Variants in TENM3 observed in about 807,000 individuals in gnomAD.
The protein encoded by TENM3 is teneurin transmembrane protein 3.
A neutral mutation model predicts 255.1 loss-of-function variants in TENM3; 63 were observed. The observed-to-expected ratio is 0.25, with a 90% CI of 0.20 to 0.30. TENM3 has a LOEUF of 0.30. Ranked by LOEUF, TENM3 falls within the 10% of genes least tolerant of loss-of-function variation. The pLI is 1.00. For missense variants in TENM3, 2,929 were observed against 3,461.1 expected (o/e 0.85, Z 3.86); for synonymous variants, 1,306 against 1,322.3 (o/e 0.99, Z 0.27).
chr4:182,066,815 G>A, the TENM3 span, among the ~76,000 whole-genome samples: 1 of 152,106 alleles, frequency 6.6e-6, no homozygotes, highest in Admixed American at 6.5e-5. Context: ...GGAGGCTGAG[G>A]CAGGAGAATG....
chr4:182,109,101 G>T, the TENM3 span, among the ~76,000 whole-genome samples: 1 of 150,134 alleles, frequency 6.7e-6, no homozygotes, highest in Non-Finnish European at 1.5e-5. Flanking sequence ...CTAATATTAG[G>T]CTAAAAAAGA....
the TENM3 span, among the ~76,000 whole-genome samples, chr4:182,097,499 G>A: frequency 6.6e-6 from 1 of 152,118 alleles, no homozygotes; most frequent in South Asian, 2.1e-4. Flanking sequence ...TTCATATATA[G>A]GTCCCTATGC....
At chr4:181,500,383 G>A in the TENM3 span, among the ~76,000 whole-genome samples, 330 of 151,910 alleles carry the variant, frequency 2.2e-3, no homozygotes, top group Non-Finnish European at 3.6e-3. Context: ...AGCCCTGACC[G>A]GGGGATCGGG....
At chr4:182,699,075 T>A (rs1331654102) in intron 12 of TENM3, among the ~76,000 whole-genome samples, 1 of 152,206 alleles carries the variant, frequency 6.6e-6, no homozygotes, top group African/African-American at 2.4e-5. Context: ...TTGTTTAGGG[T>A]CATATGATAA....
chr4:182,641,061 G>A lies in TENM3; in HGVS notation c.988+12172G>A, dbSNP rs145357240. Reference sequence around the variant, plus strand: ...TGATAAGGCAGTCTCACAGCCAGCCGAACTTGATAAGGCAGATACCCACTT... The same window carrying A: ...TGATAAGGCAGTCTCACAGCCAGCCAAACTTGATAAGGCAGATACCCACTT... On this transcript the variant is annotated intron_variant, in intron 5 of 27. Transcript: ENST00000511685. 5.3e-3 allele frequency among the ~76,000 whole-genome samples: 811 copies of A among 152,254 alleles called. 7 individuals carry two copies. The highest frequency in any genetic ancestry group is 0.019 in the African/African-American group (769 of 41,532).
the TENM3 span, among the ~76,000 whole-genome samples, chr4:181,570,459 C>T: frequency 1.3e-5 from 2 of 151,414 alleles, no homozygotes; most frequent in Admixed American, 1.3e-4. Context: ...CATGATCACA[C>T]CATTGCACTA....
At position 182,368,352 on chromosome 4, in the gene TENM3, A is replaced by C. The variant is rs114761662; in HGVS notation, c.511+21423A>C. On this transcript the variant is annotated intron_variant, in intron 3 of 27. Transcript: ENST00000511685. Reference sequence around the variant, plus strand: ...GTAAGATTTTAAATCAAGTTGGTTGAGTTTTGTAGACAGCTTGTTAAAGAC... The same window carrying C: ...GTAAGATTTTAAATCAAGTTGGTTGCGTTTTGTAGACAGCTTGTTAAAGAC... Among the ~76,000 whole-genome samples the C allele has an allele frequency of 2.4e-3, 365 of 152,278 alleles. 1 individual carries two copies. Among genetic ancestry groups the C allele is most frequent in the African/African-American group, 8.4e-3 (349 of 41,552 alleles).
At chr4:182,338,946 C>T (rs1268694097) in intron 2 of TENM3, among the ~76,000 whole-genome samples, 1 of 152,140 alleles carries the variant, frequency 6.6e-6, no homozygotes, top group African/African-American at 2.4e-5. Flanking sequence ...TGATCCGAGA[C>T]TTCAAAAGAA....
chr4:182,627,019 C>T (rs957745109), intron 4 of TENM3, among the ~76,000 whole-genome samples: 6 of 152,124 alleles, frequency 3.9e-5, no homozygotes, highest in South Asian at 2.1e-4. Context: ...TCCACTCTAC[C>T]GACCTGTATT....
At chr4:182,010,101 T>A in the TENM3 span, among the ~76,000 whole-genome samples, 1 of 152,244 alleles carries the variant, frequency 6.6e-6, no homozygotes, top group African/African-American at 2.4e-5. Flanking sequence ...TATGGCTTTT[T>A]TCCATGAGAG....
intron 4 of TENM3, among the ~76,000 whole-genome samples, chr4:182,615,983 A>C (rs780483909): frequency 6.6e-6 from 1 of 152,198 alleles, no homozygotes; most frequent in Non-Finnish European, 1.5e-5. Context: ...AGTGATTCTC[A>C]GAGTGTGGTT....
At chr4:182,338,394 A>C (rs1288796774) in intron 2 of TENM3, among the ~76,000 whole-genome samples, 1 of 152,232 alleles carries the variant, frequency 6.6e-6, no homozygotes, top group Non-Finnish European at 1.5e-5. Flanking sequence ...AGTTTGTGTC[A>C]TAGATGGGAC....
In TENM3 at chr4:182,800,187, G is replaced by T; in HGVS notation, c.7936G>T (p.Gly2646Cys). The T allele has an allele frequency of 6.4e-7, 1 of 1,555,260 alleles. No homozygotes were observed. Among genetic ancestry groups the T allele is most frequent in the Non-Finnish European group, 8.6e-7 (1 of 1,159,364 alleles). Residue 2646 changes from glycine (G) to cysteine (C), a missense_variant, in exon 28 of 28, where the codon GGC becomes TGC. This residue lies in a region of TENM3 where 476 missense variants were observed against 480.1 expected (regional missense o/e 0.99). Coordinates refer to ENST00000511685, the MANE Select transcript of TENM3 (RefSeq NM_001080477.4). ...GCAGCGCGTGCGCGACGGCGAGGAG[G>T]GCGCGCGCCTCTGGACGGAGGGCGA... is the stretch of plus-strand genomic sequence containing the variant. ...EQQRVRDGEE[G>C]ARLWTEGEKR...
chr4:182,157,837 C>G (rs539052064), intron 1 of TENM3, among the ~76,000 whole-genome samples: 2 of 152,270 alleles, frequency 1.3e-5, no homozygotes, highest in African/African-American at 4.8e-5. Context: ...CCCAACTTCA[C>G]GAACAGGTAA....
chr4:181,574,274 G>A, the TENM3 span, among the ~76,000 whole-genome samples: 1 of 152,140 alleles, frequency 6.6e-6, no homozygotes, highest in Non-Finnish European at 1.5e-5. Flanking sequence ...GCTCACGCCT[G>A]TAATCCCAGC....
At chr4:182,201,543 A>C (rs17307448) in intron 1 of TENM3, among the ~76,000 whole-genome samples, 1 of 151,994 alleles carries the variant, frequency 6.6e-6, no homozygotes, top group South Asian at 2.1e-4. Flanking sequence ...TGCTCATTCA[A>C]AATCAGACCT....
At chr4:181,840,928 A>G in the TENM3 span, among the ~76,000 whole-genome samples, 1 of 152,148 alleles carries the variant, frequency 6.6e-6, no homozygotes, top group Non-Finnish European at 1.5e-5. Flanking sequence ...TGCACTGACT[A>G]TATTTGAAAG....
At chr4:181,657,908 T>C in the TENM3 span, among the ~76,000 whole-genome samples, 1 of 152,302 alleles carries the variant, frequency 6.6e-6, no homozygotes, top group East Asian at 1.9e-4. Context: ...ATACTGTGTG[T>C]TCTCACTTAC....
the TENM3 span, among the ~76,000 whole-genome samples, chr4:181,948,788 G>A: frequency 6.6e-6 from 1 of 152,072 alleles, no homozygotes; most frequent in African/African-American, 2.4e-5. Context: ...CACCCCCACT[G>A]TCTTCACCCC....
Sources: allele counts gnomAD v4.1 joint callset (sites outside exome capture counted in the v4.1 genomes callset), GRCh38; gene constraint gnomAD v4.1.1; regional missense constraint gnomAD v4.1.1; transcripts MANE v1.5; gene names NCBI Gene and HGNC (gene_info 2026-07-23, HGNC 2026-07-21).